The following TARS1 variants were observed in gnomAD, a reference collection of about 807,000 sequenced individuals.
TARS1 encodes threonine--tRNA ligase 1, cytoplasmic.
Under a neutral mutation model 97.7 loss-of-function variants are expected in TARS1, and 57 were observed. The observed-to-expected ratio is 0.58, with a 90% confidence interval of 0.47 to 0.73. TARS1 has a LOEUF of 0.73. Ranked by LOEUF, TARS1 falls within the 30% of genes least tolerant of loss-of-function variation. TARS1 has a pLI of 0.00. For missense variants in TARS1, 806 were observed against 888.3 expected, an observed-to-expected ratio of 0.91 and a Z score of 1.18; for synonymous variants, 312 against 293.7, an observed-to-expected ratio of 1.06 and a Z score of -0.64.
At chr5:33,458,773 G>A in intron 10 of TARS1, 109 bp downstream of exon 10, 2 of 903,868 alleles carry the variant, frequency 2.2e-6, no homozygotes, top group African/African-American at 1.7e-5. Flanking sequence ...AAATATATAA[G>A]ACGATAAGTA....
At chr5:33,456,696 T>G (rs959351954) in intron 8 of TARS1, among the ~76,000 whole-genome samples, 2 of 152,254 alleles carry the variant, frequency 1.3e-5, no homozygotes, top group African/African-American at 4.8e-5. Flanking sequence ...CTATTTTTGC[T>G]CATTTTGTGA....
At chr5:33,452,809 G>A (rs555536074) in intron 3 of TARS1, among the ~76,000 whole-genome samples, 2 of 151,308 alleles carry the variant, frequency 1.3e-5, no homozygotes, top group South Asian at 4.2e-4. Flanking sequence ...GCTTAGCTTT[G>A]TAGAAAGAGA....
At chr5:33,459,582 G>A in intron 10 of TARS1, 113 bp from the exon 11 acceptor site, 1 of 1,244,574 alleles carries the variant, frequency 8.0e-7, no homozygotes, top group Non-Finnish European at 1.1e-6. Context: ...CTGAATCATG[G>A]CATGTGTCCA....
chr5:33,446,842 T>C, intron 2 of TARS1: 3 of 898,472 alleles, frequency 3.3e-6, no homozygotes, highest in Non-Finnish European at 4.5e-6. Context: ...CAGATTATGG[T>C]TGTAGAATGA....
intron 1 of TARS1, among the ~76,000 whole-genome samples, chr5:33,443,333 CTCTCTCTCT>C (rs1411834158): frequency 1.7e-5 from 2 of 120,566 alleles, no homozygotes; most frequent in African/African-American, 6.7e-5. Flanking sequence ...CTCTCTCTCT[CTCTCTCTCT>C]CTCTCTCTCT....
intron 2 of TARS1, 37 bp from the exon 3 acceptor site, chr5:33,448,504 T>A: frequency 6.8e-7 from 1 of 1,476,672 alleles, no homozygotes; most frequent in East Asian, 2.4e-5. Context: ...CAATATTTAC[T>A]GATCATTTAT....
chr5:33,460,897 T>C lies in TARS1; in HGVS notation c.1251-5T>C. 6.2e-7 allele frequency: 1 copy of C among 1,614,028 alleles called. No individual in the cohort carries two copies. The highest frequency in any genetic ancestry group is 1.3e-5 in the African/African-American group (1 of 75,026). On this transcript the variant is annotated splice_region_variant and splice_polypyrimidine_tract_variant and intron_variant, in intron 11 of 18. Transcript: ENST00000265112. ...GTGTCCGTGGACTTTTCTTTTTCTC[T>C]TCAGCCTTATGTTTGATCATCGGCC...
intron 17 of TARS1, among the ~76,000 whole-genome samples, chr5:33,465,375 G>C (rs137925959): frequency 1.3e-5 from 2 of 152,134 alleles, no homozygotes; most frequent in African/African-American, 4.8e-5. Flanking sequence ...TTTCTTTTGC[G>C]GGGAGAGAAG....
At chr5:33,456,519 G>A (rs1353987674) in intron 8 of TARS1, among the ~76,000 whole-genome samples, 1 of 152,154 alleles carries the variant, frequency 6.6e-6, no homozygotes, top group East Asian at 1.9e-4. Context: ...CTGGGAGTAT[G>A]TGCTTTTGCC....
In TARS1 at chr5:33,443,341, C is replaced by CTCTCTCTCTCTT. The variant is rs1561066247; in HGVS notation, c.58-1972_58-1971insTTCTCTCTCTCT. Among the ~76,000 whole-genome samples, 37 of 150,552 alleles carry CTCTCTCTCTCTT rather than the reference C, an allele frequency of 2.5e-4. 1 individual carries two copies. Among genetic ancestry groups the CTCTCTCTCTCTT allele is most frequent in the African/African-American group, 9.2e-4 (37 of 40,386 alleles). ...TCTCCCTCTCTCTCTCTCTCTCTCTCTCTCTCTCTCTCTCTCTCTCACTAC... is the reference window on the plus strand; with the variant it reads ...TCTCCCTCTCTCTCTCTCTCTCTCTCTCTCTCTCTCTTTCTCTCTCTCTCTCTCTCTCACTAC... On this transcript the variant is annotated intron_variant, in intron 1 of 18. Coordinates refer to ENST00000265112, the MANE Select transcript of TARS1 (RefSeq NM_152295.5).
Position 33,449,358 on chromosome 5 carries a change from T to TATATAG in TARS1, c.329+627_329+628insATATAG, listed in dbSNP as rs59141272. ...ATATATACACGTGTATATATATATA[T>TATATAG]CTTAAACTGGGTATTGGGAAACTCT... On this transcript the variant is annotated intron_variant, in intron 3 of 18. Transcript: ENST00000265112. 3.3e-3 allele frequency among the ~76,000 whole-genome samples: 488 copies of TATATAG among 146,386 alleles called. 2 individuals carry two copies. The highest frequency in any genetic ancestry group is 6.5e-3 in the African/African-American group (254 of 38,808).
In TARS1 at chr5:33,460,928, C is replaced by T. The variant is rs963556470; in HGVS notation, c.1277C>T (p.Ser426Phe). 1.2e-6 allele frequency: 2 copies of T among 1,614,134 alleles called. No homozygotes were observed. The highest frequency in any genetic ancestry group is 1.7e-5 in the Admixed American group (1 of 60,012). Residue 426 changes from serine to phenylalanine, a missense_variant, in exon 12 of 19, where the codon TCC (serine) becomes TTC (phenylalanine). Ser to Phe is a radical substitution (Grantham distance 155). Around this residue, in one of 3 missense-constraint regions of TARS1, gnomAD observed 446 missense variants for 511.0 expected, o/e 0.87. Transcript: ENST00000265112. ...HCLMFDHRPR[S>F]WRELPLRLAD... ...CTTATGTTTGATCATCGGCCAAGGTCCTGGCGAGAACTGCCTCTGCGGCTA... is the reference window on the plus strand; with the variant it reads ...CTTATGTTTGATCATCGGCCAAGGTTCTGGCGAGAACTGCCTCTGCGGCTA...
At chr5:33,455,109 T>C (rs1310262679) in intron 5 of TARS1, 43 bp downstream of exon 5, 2 of 1,608,948 alleles carry the variant, frequency 1.2e-6, no homozygotes, top group East Asian at 2.2e-5. Context: ...TCAATGACTA[T>C]GGATCCATAA....
At chr5:33,461,580 G>A in intron 13 of TARS1, 87 bp from the exon 14 acceptor site, 5 of 1,315,322 alleles carry the variant, frequency 3.8e-6, no homozygotes, top group Non-Finnish European at 4.3e-6. Flanking sequence ...ATCTATGAAA[G>A]TAATTACTGT....
intron 1 of TARS1, among the ~76,000 whole-genome samples, chr5:33,444,286 A>G (rs1211340588): frequency 6.6e-6 from 1 of 152,228 alleles, no homozygotes; most frequent in Non-Finnish European, 1.5e-5. Context: ...GCTAATGGGT[A>G]CAAGGTTTCT....
chr5:33,444,761 C>T (rs1010482195), intron 1 of TARS1, among the ~76,000 whole-genome samples: 9 of 152,146 alleles, frequency 5.9e-5, no homozygotes, highest in African/African-American at 1.9e-4. Flanking sequence ...TCCTTTAAAA[C>T]GCTAGTCCTA....
intron 9 of TARS1, 49 bp from the exon 10 acceptor site, chr5:33,458,517 C>T: frequency 6.7e-7 from 1 of 1,500,890 alleles, no homozygotes; most frequent in Non-Finnish European, 9.2e-7. Flanking sequence ...TATATACACA[C>T]ACGTATACGT....
rs775239361 is a variant in TARS1 at position 33,466,926 on chromosome 5, G to A, written c.1964G>A (p.Gly655Asp). Reference protein sequence around the residue: ...KFMADIDLDPGCTLNKKIRNA... With the variant: ...KFMADIDLDPDCTLNKKIRNA... ...ATGGCAGACATTGATCTGGATCCAG[G>A]CTGTACATTGAATAAAAAGATTCGA... is the stretch of plus-strand genomic sequence containing the variant. Residue 655 changes from glycine to aspartate, a missense_variant, in exon 18 of 19, where the codon GGC becomes GAC. Physicochemically the swap from Gly to Asp is moderately conservative, Grantham distance 94. This residue lies in a region of TARS1 where 446 missense variants were observed against 511.0 expected (regional missense o/e 0.87). Coordinates refer to ENST00000265112, the MANE Select transcript of TARS1 (RefSeq NM_152295.5). 6.2e-7 allele frequency: 1 copy of A among 1,606,196 alleles called. No individual in the cohort carries two copies. Among genetic ancestry groups the A allele is most frequent in the Non-Finnish European group, 8.5e-7 (1 of 1,176,528 alleles).
rs1335895489 is a variant in TARS1 at position 33,445,363 on chromosome 5, AAG to A, written c.99_100del (p.Lys34GlufsTer12). On this transcript the variant is annotated frameshift_variant, in exon 2 of 19. Transcript: ENST00000265112. LOFTEE classifies it high-confidence loss of function. Reference sequence around the variant, plus strand: ...AGAGAAGCAAAAGGAAGGAGGCAAAAAGAAGAACAAAGAAGGATCTGGAGATG... The same window carrying A: ...AGAGAAGCAAAAGGAAGGAGGCAAAAAAGAACAAAGAAGGATCTGGAGATG... Reference protein sequence around the residue: ...GEEKQKEGGKKKNKEGSGDGG... With the variant: ...GEEKQKEGGKXKNKEGSGDGG... 4 of 1,613,240 alleles carry A rather than the reference AAG, an allele frequency of 2.5e-6. No homozygotes were observed. The highest frequency in any genetic ancestry group is 1.3e-5 in the African/African-American group (1 of 74,910).
Sources: allele counts gnomAD v4.1 joint callset (sites outside exome capture counted in the v4.1 genomes callset), GRCh38; gene constraint gnomAD v4.1.1; regional missense constraint gnomAD v4.1.1; transcripts MANE v1.5; gene names NCBI Gene and HGNC (gene_info 2026-07-23, HGNC 2026-07-21).